DSCAM: variants seen among roughly 807,000 people sequenced by gnomAD.
DSCAM encodes the protein cell adhesion molecule DSCAM.
In DSCAM, 47 loss-of-function variants were observed where a neutral mutation model predicts 217.7. That is an observed-to-expected ratio of 0.22 (90% confidence interval 0.17 to 0.28). The LOEUF (loss-of-function observed/expected upper bound fraction) is 0.28, where lower values mean the gene tolerates loss of function less well. Ranked by LOEUF, DSCAM falls within the 10% of genes least tolerant of loss-of-function variation. The pLI is 1.00. For missense variants in DSCAM, 2,080 were observed against 2,618.3 expected (o/e 0.79, Z 4.49); for synonymous variants, 1,056 against 1,015.3 (o/e 1.04, Z -0.76).
At chr21:40,233,401 G>A (rs1349972171) in intron 11 of DSCAM, among the ~76,000 whole-genome samples, 1 of 152,142 alleles carries the variant, frequency 6.6e-6, no homozygotes, top group Admixed American at 6.5e-5. Flanking sequence ...TAAATCTGAT[G>A]AAGAAAATAA....
intron 3 of DSCAM, among the ~76,000 whole-genome samples, chr21:40,675,046 C>T (rs1369360317): frequency 2.0e-5 from 3 of 152,208 alleles, no homozygotes; most frequent in East Asian, 1.9e-4. Flanking sequence ...CGCGCACACA[C>T]GTACACACGA....
At chr21:40,727,231 T>TA (rs1838319284) in intron 1 of DSCAM, among the ~76,000 whole-genome samples, 4 of 152,264 alleles carry the variant, frequency 2.6e-5, no homozygotes, top group Admixed American at 2.6e-4. Flanking sequence ...CGCAAGACTT[T>TA]AAAAAATCTG....
chr21:40,210,530 T>A (rs1301216867), intron 11 of DSCAM, among the ~76,000 whole-genome samples: 2 of 152,160 alleles, frequency 1.3e-5, no homozygotes, highest in African/African-American at 2.4e-5. Flanking sequence ...GTAGACTAGA[T>A]GCCTTCATCT....
intron 11 of DSCAM, among the ~76,000 whole-genome samples, chr21:40,263,922 A>T (rs2073487497): frequency 6.6e-6 from 1 of 152,168 alleles, no homozygotes; most frequent in African/African-American, 2.4e-5. Flanking sequence ...TACTATGAAC[A>T]CCACTCTGGA....
At chr21:40,116,231 G>C (rs936570797) in intron 20 of DSCAM, among the ~76,000 whole-genome samples, 1 of 152,038 alleles carries the variant, frequency 6.6e-6, no homozygotes, top group African/African-American at 2.4e-5. Context: ...TTAATACTTG[G>C]GTGATGAAAT....
intron 27 of DSCAM, among the ~76,000 whole-genome samples, chr21:40,070,417 AAAAG>A (rs1231166534): frequency 2.0e-5 from 3 of 151,764 alleles, no homozygotes; most frequent in Admixed American, 1.3e-4. Context: ...AAAGAAAAGA[AAAAG>A]AAAGAGAAAG....
At chr21:40,620,817 T>C (rs1215307263) in intron 3 of DSCAM, among the ~76,000 whole-genome samples, 1 of 152,260 alleles carries the variant, frequency 6.6e-6, no homozygotes, top group Non-Finnish European at 1.5e-5. Flanking sequence ...CTGGTTGTAT[T>C]CATGATGTCC....
At chr21:40,552,793 T>C (rs949523684) in intron 3 of DSCAM, among the ~76,000 whole-genome samples, 5 of 152,242 alleles carry the variant, frequency 3.3e-5, no homozygotes, top group Admixed American at 6.5e-5. Context: ...TTCACCATAA[T>C]TGATGCCACA....
chr21:40,087,506 A>G (rs913963854), intron 21 of DSCAM, among the ~76,000 whole-genome samples: 9 of 152,208 alleles, frequency 5.9e-5, no homozygotes, highest in African/African-American at 1.9e-4. Flanking sequence ...CTTTTCTTCT[A>G]TTGACTAAAC....
chr21:40,727,885 C>T (rs1419300810), intron 1 of DSCAM, among the ~76,000 whole-genome samples: 1 of 152,132 alleles, frequency 6.6e-6, no homozygotes, highest in Non-Finnish European at 1.5e-5. Context: ...GGGATCCCAC[C>T]GCAGCCACAC....
chr21:40,758,704 G>T (rs1443866824), intron 1 of DSCAM, among the ~76,000 whole-genome samples: 1 of 151,982 alleles, frequency 6.6e-6, no homozygotes, highest in Non-Finnish European at 1.5e-5. Context: ...CGAGGATGAG[G>T]GGGGCAGCTT....
chr21:40,410,371 C>G (rs534837898), intron 3 of DSCAM, among the ~76,000 whole-genome samples: 1 of 151,718 alleles, frequency 6.6e-6, no homozygotes, highest in Non-Finnish European at 1.5e-5. Flanking sequence ...AGTGTAATAT[C>G]AAGCAGTATA....
In DSCAM at chr21:40,498,690, TATATATAG is replaced by T. The variant is rs1268500124; in HGVS notation, c.509-129453_509-129446del. Among the ~76,000 whole-genome samples the T allele has an allele frequency of 4.4e-3, 26 of 5,860 alleles. 2 individuals carry two copies. Among genetic ancestry groups the T allele is most frequent in the East Asian group, 0.02 (4 of 196 alleles). The allele number at this position is 5,860 out of a possible 152,430, so 3.8% of individuals were successfully genotyped here. A position where few individuals can be genotyped will look rare whatever the true frequency, so the allele number is the denominator to read the frequency against. The stretch of plus-strand genomic sequence containing the variant: ...ACCCATATATATATATATATATATA[TATATATAG>T]ATATATATATATGGGTGTATATATA... On this transcript the variant is annotated intron_variant, in intron 3 of 32. Coordinates refer to ENST00000400454, the MANE Select transcript of DSCAM (RefSeq NM_001389.5).
chr21:40,814,674 C>T (rs561385047), intron 1 of DSCAM, among the ~76,000 whole-genome samples: 3 of 152,212 alleles, frequency 2.0e-5, no homozygotes, highest in East Asian at 3.9e-4. Context: ...TAATGGAAAA[C>T]GAAGATGAGA....
At chr21:40,409,952 C>T (rs982873984) in intron 3 of DSCAM, among the ~76,000 whole-genome samples, 4 of 151,976 alleles carry the variant, frequency 2.6e-5, no homozygotes, top group Admixed American at 2.0e-4. Context: ...TAAACAATTA[C>T]AAAACATGTC....
rs2090330416 is a variant in DSCAM at position 40,144,437 on chromosome 21, C to A, written c.3259+54G>T. The A allele has an allele frequency of 3.7e-6, 6 of 1,603,280 alleles. No homozygotes were observed. In the South Asian group the frequency reaches 6.7e-5, roughly 18 times the overall value. ...AGGTTGGGGGAGCCCCGGGGCAGAC[C>A]CGAGGGAACCTTTGCGGAGGGAAAA... On this transcript the variant is annotated intron_variant, in intron 17 of 32. Transcript: ENST00000400454. The surrounding 1 kb of genome is among the most constrained non-coding windows in gnomAD (Gnocchi z 4.8).
intron 3 of DSCAM, among the ~76,000 whole-genome samples, chr21:40,479,579 A>C (rs1391552630): frequency 6.6e-6 from 1 of 152,180 alleles, no homozygotes; most frequent in Non-Finnish European, 1.5e-5. Context: ...AGGCAAGAGA[A>C]AGTGTGCAGG....
chr21:40,419,856 A>G (rs1237989470), intron 3 of DSCAM, among the ~76,000 whole-genome samples: 1 of 152,192 alleles, frequency 6.6e-6, no homozygotes, highest in Non-Finnish European at 1.5e-5. Context: ...TTAAAATTAT[A>G]TAAAATTACC....
chr21:40,224,018 T>C (rs1016374506), intron 11 of DSCAM, among the ~76,000 whole-genome samples: 1 of 152,226 alleles, frequency 6.6e-6, no homozygotes, highest in Admixed American at 6.5e-5. Flanking sequence ...GAAATCAGGA[T>C]GAAGCAAAAT....
Sources: allele counts gnomAD v4.1 joint callset (sites outside exome capture counted in the v4.1 genomes callset), GRCh38; gene constraint gnomAD v4.1.1; non-coding constraint Gnocchi (gnomAD v3.1); transcripts MANE v1.5; gene names NCBI Gene and HGNC (gene_info 2026-07-23, HGNC 2026-07-21).